The following FOXP2 variants were observed in gnomAD, a reference collection of about 807,000 sequenced individuals.
The protein encoded by FOXP2 is forkhead box P2, also known as forkhead box protein P2.
FOXP2 carries 12 observed loss-of-function variants against 115.8 expected under a neutral mutation model. That is an observed-to-expected ratio of 0.10 (90% CI 0.07 to 0.17). FOXP2 has a LOEUF of 0.17. Ranked by LOEUF, FOXP2 falls within the 10% of genes least tolerant of loss-of-function variation. The probability of loss-of-function intolerance (pLI) is 1.00; values close to 1 mark genes in which losing one functional copy is unlikely to be tolerated. For synonymous variants in FOXP2, 328 were observed against 297.7 expected, an observed-to-expected ratio of 1.10 and a Z score of -1.05; for missense variants, 629 against 843.5, an observed-to-expected ratio of 0.75 and a Z score of 3.15.
In FOXP2 at chr7:114,685,089, A is replaced by T. The variant is rs890180192; in HGVS notation, c.2004-4693A>T. Among the ~76,000 whole-genome samples the T allele has an allele frequency of 4.6e-5, 7 of 152,076 alleles. No homozygotes were observed. The South Asian group carries it at 6.2e-4, about 13-fold the overall frequency. Reference sequence around the variant, plus strand: ...GGCTTTTACTATTCTGAAATCACCTATGGGTATACACTCATACACAAGCAC... The same window carrying T: ...GGCTTTTACTATTCTGAAATCACCTTTGGGTATACACTCATACACAAGCAC... On this transcript the variant is annotated intron_variant, in intron 16 of 16. Coordinates refer to ENST00000350908, the MANE Select transcript of FOXP2 (RefSeq NM_014491.4).
chr7:114,321,145 C>T (rs1367985068), intron 2 of FOXP2, among the ~76,000 whole-genome samples: 4 of 151,740 alleles, frequency 2.6e-5, no homozygotes, highest in East Asian at 1.9e-4. Flanking sequence ...CAAGGAGCCT[C>T]GCTATTCTGC....
intron 16 of FOXP2, among the ~76,000 whole-genome samples, chr7:114,680,337 C>T (rs1246394658): frequency 6.6e-6 from 1 of 152,086 alleles, no homozygotes; most frequent in Non-Finnish European, 1.5e-5. Context: ...CAATGAATTC[C>T]TGGATTCTGG....
intron 1 of FOXP2, among the ~76,000 whole-genome samples, chr7:114,089,523 T>A (rs1342921899): frequency 6.6e-6 from 1 of 152,060 alleles, no homozygotes; most frequent in African/African-American, 2.4e-5. Context: ...TGTTTTTATA[T>A]AATTTATACT....
chr7:114,484,247 A>G (rs562404384), intron 2 of FOXP2, among the ~76,000 whole-genome samples: 1 of 151,864 alleles, frequency 6.6e-6, no homozygotes, highest in Non-Finnish European at 1.5e-5. Flanking sequence ...ATTGTGCTCT[A>G]TTGACCTCAA....
In FOXP2 at chr7:114,611,590, C is replaced by A. The variant is rs182903726; in HGVS notation, c.259-16950C>A. ...ATAGTTATAGCTAAATTCATAGGAC[C>A]TAGCTCTACTTTGAATACATTTTCA... On this transcript the variant is annotated intron_variant, in intron 3 of 16. Coordinates refer to ENST00000350908, the MANE Select transcript of FOXP2 (RefSeq NM_014491.4). Among the ~76,000 whole-genome samples, 442 of 152,268 alleles carry A rather than the reference C, an allele frequency of 2.9e-3. 2 individuals are homozygous for A. The highest frequency in any genetic ancestry group is 4.3e-3 in the Non-Finnish European group (292 of 68,012).
At chr7:114,358,027 C>CA (rs796400090) in intron 2 of FOXP2, among the ~76,000 whole-genome samples, 27 of 152,208 alleles carry the variant, frequency 1.8e-4, no homozygotes, top group African/African-American at 5.8e-4. Context: ...TGTCACCACC[C>CA]AAATCTCATC....
At chr7:114,237,701 C>T (rs896657762) in intron 1 of FOXP2, among the ~76,000 whole-genome samples, 5 of 151,846 alleles carry the variant, frequency 3.3e-5, no homozygotes, top group Non-Finnish European at 5.9e-5. Flanking sequence ...AGGCAGGGCT[C>T]AGAGCCTCAC....
chr7:114,155,176 A>AC (rs1364366200), intron 1 of FOXP2, among the ~76,000 whole-genome samples: 14 of 151,986 alleles, frequency 9.2e-5, no homozygotes, highest in Non-Finnish European at 1.5e-4. Flanking sequence ...AAATTATAAG[A>AC]CCCCCAACTG....
chr7:114,551,306 A>G (rs1428493093), intron 3 of FOXP2, among the ~76,000 whole-genome samples: 1 of 152,208 alleles, frequency 6.6e-6, no homozygotes, highest in Middle Eastern at 3.2e-3. Context: ...AGATGTTCCT[A>G]TCCTCAGGGA....
intron 2 of FOXP2, among the ~76,000 whole-genome samples, chr7:114,316,872 A>G (rs1159514670): frequency 2.0e-5 from 3 of 152,122 alleles, no homozygotes; most frequent in South Asian, 2.1e-4. Context: ...AAAGACATGA[A>G]TTGCCTTGTG....
At chr7:114,352,945 C>T (rs374280219) in intron 2 of FOXP2, among the ~76,000 whole-genome samples, 1 of 152,068 alleles carries the variant, frequency 6.6e-6, no homozygotes. Flanking sequence ...GGAAATAATA[C>T]TCCTGAATTC....
At chr7:114,308,894 T>C (rs920464886) in intron 2 of FOXP2, among the ~76,000 whole-genome samples, 2 of 152,102 alleles carry the variant, frequency 1.3e-5, no homozygotes, top group Admixed American at 6.6e-5. Context: ...GCATCAACAG[T>C]AGTAGCCCTG....
At chr7:114,450,241 TA>T (rs993829801) in intron 2 of FOXP2, among the ~76,000 whole-genome samples, 1 of 152,052 alleles carries the variant, frequency 6.6e-6, no homozygotes, top group African/African-American at 2.4e-5. Flanking sequence ...TTCAAAACAT[TA>T]AAATGGGCTT....
chr7:114,442,114 G>A (rs1308510670), intron 2 of FOXP2, among the ~76,000 whole-genome samples: 2 of 152,202 alleles, frequency 1.3e-5, no homozygotes, highest in African/African-American at 4.8e-5. Flanking sequence ...ACATTAATTG[G>A]TGAACAGGTA....
At chr7:114,362,404 G>GA (rs909341771) in intron 2 of FOXP2, among the ~76,000 whole-genome samples, 3 of 151,322 alleles carry the variant, frequency 2.0e-5, no homozygotes, top group East Asian at 1.9e-4. Context: ...ACAGTTGGTA[G>GA]AAAAAAAACA....
chr7:114,345,033 T>TA lies in FOXP2; in HGVS notation c.-11+56925dup, dbSNP rs546455593. Among the ~76,000 whole-genome samples the TA allele has an allele frequency of 2.2e-4, 33 of 151,938 alleles. No individual in the cohort carries two copies. The South Asian group carries it at 6.8e-3, about 31-fold the overall frequency. On this transcript the variant is annotated intron_variant, in intron 2 of 17. Transcript: ENST00000634411. ...GAAGTGAAAATATTTGAAGTTACTTTACTTTAGAGTGAGGACGATTTGTTG... is the reference window on the plus strand; with the variant it reads ...GAAGTGAAAATATTTGAAGTTACTTTAACTTTAGAGTGAGGACGATTTGTTG...
At chr7:114,321,386 G>C (rs1442213673) in intron 2 of FOXP2, among the ~76,000 whole-genome samples, 3 of 151,920 alleles carry the variant, frequency 2.0e-5, no homozygotes, top group African/African-American at 7.3e-5. Flanking sequence ...TTTTAGTAGA[G>C]ACGGGGTTTC....
At chr7:114,414,213 A>G (rs1331693273), upstream of FOXP2, 1 of 152,102 alleles carries the variant, frequency 6.6e-6, no homozygotes, top group African/African-American at 2.4e-5. Flanking sequence ...TAGGCTACCT[A>G]CAGTATAAAA....
chr7:114,572,022 T>A (rs1801331028), intron 3 of FOXP2, among the ~76,000 whole-genome samples: 1 of 151,764 alleles, frequency 6.6e-6, no homozygotes, highest in African/African-American at 2.4e-5. Flanking sequence ...ACAACAAAAT[T>A]AATACTCATA....
Sources: allele counts gnomAD v4.1 joint callset (sites outside exome capture counted in the v4.1 genomes callset), GRCh38; gene constraint gnomAD v4.1.1; transcripts MANE v1.5; gene names NCBI Gene and HGNC (gene_info 2026-07-23, HGNC 2026-07-21).